Variants in MCC observed in about 807,000 individuals in gnomAD.
The protein encoded by MCC is colorectal mutant cancer protein.
Under a neutral mutation model 116.2 loss-of-function variants are expected in MCC, and 90 were observed. That is an observed-to-expected ratio of 0.77 (90% confidence interval 0.65 to 0.92). The LOEUF (loss-of-function observed/expected upper bound fraction) is 0.92. Among genes scored for constraint, MCC ranks in the 40% least tolerant of loss-of-function variants. The pLI is 0.00. For missense variants in MCC, 1,516 were observed against 1,312.2 expected, an observed-to-expected ratio of 1.16 and a Z score of -2.40; for synonymous variants, 578 against 510.5, an observed-to-expected ratio of 1.13 and a Z score of -1.78.
chr5:113,339,237 A>C (rs1056756315), intron 3 of MCC, among the ~76,000 whole-genome samples: 3 of 135,942 alleles, frequency 2.2e-5, no homozygotes, highest in South Asian at 2.1e-4. Context: ...AAAAAAAAAA[A>C]CAAATAGTTT....
chr5:113,300,152 T>A (rs10434755), intron 3 of MCC, among the ~76,000 whole-genome samples: 3 of 152,278 alleles, frequency 2.0e-5, no homozygotes, highest in Non-Finnish European at 4.4e-5. Context: ...GTCTGTACCC[T>A]CTACTGGTGA....
intron 3 of MCC, among the ~76,000 whole-genome samples, chr5:113,247,023 AT>A (rs1764606260): frequency 6.6e-6 from 1 of 152,214 alleles, no homozygotes; most frequent in Non-Finnish European, 1.5e-5. Context: ...TGTTCGGTCC[AT>A]TTCAGAGTCT....
intron 3 of MCC, among the ~76,000 whole-genome samples, chr5:113,244,337 A>G (rs1374175561): frequency 1.3e-5 from 2 of 152,280 alleles, no homozygotes; most frequent in Non-Finnish European, 2.9e-5. Context: ...TTTACAACTT[A>G]AAGCCTACAG....
In MCC at chr5:113,468,493, T is replaced by C. The variant is rs550150929; in HGVS notation, c.170+19752A>G. 5.4e-4 allele frequency among the ~76,000 whole-genome samples: 82 copies of C among 152,346 alleles called. 1 individual carries two copies. The highest frequency in any genetic ancestry group is 1.5e-5 in the Non-Finnish European group (1 of 68,038). On this transcript the variant is annotated intron_variant, in intron 1 of 18. Transcript: ENST00000408903. ...ACATGTTGGATTACATTTATTGATT[T>C]GCGTATGTTGAACCAGCCTTGCATC...
At chr5:113,222,479 T>C (rs1054056381) in intron 3 of MCC, among the ~76,000 whole-genome samples, 1 of 152,242 alleles carries the variant, frequency 6.6e-6, no homozygotes, top group Non-Finnish European at 1.5e-5. Context: ...AAAGAATTTA[T>C]GTAGAGTTGG....
At chr5:113,278,747 G>C (rs1765924403) in intron 3 of MCC, among the ~76,000 whole-genome samples, 1 of 152,140 alleles carries the variant, frequency 6.6e-6, no homozygotes, top group Admixed American at 6.5e-5. Context: ...GTGATCAACA[G>C]GGTATATGGG....
At chr5:113,134,944 C>T (rs1469501398) in intron 5 of MCC, among the ~76,000 whole-genome samples, 1 of 128,248 alleles carries the variant, frequency 7.8e-6, no homozygotes. Flanking sequence ...ACTTTTACTT[C>T]TTTTTTTTTT....
chr5:113,199,324 G>A (rs1040942626), intron 3 of MCC, among the ~76,000 whole-genome samples: 2 of 152,152 alleles, frequency 1.3e-5, no homozygotes, highest in African/African-American at 4.8e-5. Context: ...CACAGAACAG[G>A]AGTAAGGCCC....
chr5:113,042,594 T>A (rs1045804581), intron 17 of MCC, among the ~76,000 whole-genome samples: 1 of 149,808 alleles, frequency 6.7e-6, no homozygotes, highest in African/African-American at 2.5e-5. Context: ...AGGTCAAACA[T>A]CACAATGAAC....
intron 6 of MCC, among the ~76,000 whole-genome samples, chr5:113,107,730 C>T (rs1319100894): frequency 6.6e-6 from 1 of 152,172 alleles, no homozygotes; most frequent in African/African-American, 2.4e-5. Flanking sequence ...AATATTCAGA[C>T]ATTCTGTGCT....
rs573251670 is a variant in MCC at position 113,313,971 on chromosome 5, C to A, written c.627+26548G>T. Among the ~76,000 whole-genome samples the A allele has an allele frequency of 6.1e-4, 93 of 152,272 alleles. 1 individual carries two copies. The Middle Eastern group carries it at 0.014, about 22-fold the overall frequency. Reference sequence around the variant, plus strand: ...AAGTAGCTGGGACCACAGGTGCAGGCCACCATGCCTGGCTAATTGTTATTT... The same window carrying A: ...AAGTAGCTGGGACCACAGGTGCAGGACACCATGCCTGGCTAATTGTTATTT... On this transcript the variant is annotated intron_variant, in intron 3 of 18. Coordinates refer to ENST00000408903, the MANE Select transcript of MCC (RefSeq NM_001085377.2).
At chr5:113,050,735 G>C (rs1752430181) in intron 15 of MCC, among the ~76,000 whole-genome samples, 1 of 152,252 alleles carries the variant, frequency 6.6e-6, no homozygotes, top group African/African-American at 2.4e-5. Context: ...TTGAAAGAGG[G>C]AAAGAGAAAC....
chr5:113,435,213 A>C, intron 1 of MCC: 1 of 213,418 alleles, frequency 4.7e-6, no homozygotes, highest in Non-Finnish European at 9.5e-6. Context: ...CATGCTTCCA[A>C]ACCCAGAGCC....
chr5:113,398,213 GGAATGC>G (rs1266537645), intron 1 of MCC, among the ~76,000 whole-genome samples: 8 of 152,156 alleles, frequency 5.3e-5, no homozygotes, highest in African/African-American at 1.7e-4. Flanking sequence ...TGGAGAAAGG[GGAATGC>G]TTGTGCACTG....
At chr5:113,406,884 C>T (rs1167190055) in intron 1 of MCC, among the ~76,000 whole-genome samples, 1 of 152,122 alleles carries the variant, frequency 6.6e-6, no homozygotes, top group Non-Finnish European at 1.5e-5. Context: ...GGAGCAAGTG[C>T]CATCCTTAGG....
intron 3 of MCC, among the ~76,000 whole-genome samples, chr5:113,162,202 C>A (rs1363564990): frequency 6.6e-6 from 1 of 152,134 alleles, no homozygotes; most frequent in Non-Finnish European, 1.5e-5. Flanking sequence ...TCACTTTGTT[C>A]CCAGAAAATG....
At chr5:113,428,868 C>T (rs1770549449) in intron 1 of MCC, 1 of 152,070 alleles carries the variant, frequency 6.6e-6, no homozygotes, top group East Asian at 1.9e-4. Context: ...AAAATTTAGC[C>T]ATCTTAATAG....
intron 8 of MCC, among the ~76,000 whole-genome samples, chr5:113,099,186 G>A (rs374016076): frequency 3.3e-5 from 5 of 152,344 alleles, no homozygotes; most frequent in Admixed American, 2.6e-4. Flanking sequence ...AAATTCCTGA[G>A]AATATCTCTA....
In MCC at chr5:113,350,108, C is replaced by T. The variant is rs1156647868; in HGVS notation, c.416-9378G>A. On this transcript the variant is annotated intron_variant, in intron 2 of 18. Transcript: ENST00000408903. ...GGAAGAACCAATATTGTTAAACTGT[C>T]CATACTACCCAAAGCAATCTACAGA... 2.0e-5 allele frequency among the ~76,000 whole-genome samples: 3 copies of T among 152,068 alleles called. No homozygotes were observed. The East Asian group carries it at 5.8e-4, about 29-fold the overall frequency.
Sources: allele counts gnomAD v4.1 joint callset (sites outside exome capture counted in the v4.1 genomes callset), GRCh38; gene constraint gnomAD v4.1.1; transcripts MANE v1.5; gene names NCBI Gene and HGNC (gene_info 2026-07-23, HGNC 2026-07-21).